Variants in VRK3 observed in about 807,000 individuals in gnomAD.
VRK3 encodes the protein serine/threonine-protein kinase VRK3.
Under a neutral mutation model 60.4 loss-of-function variants are expected in VRK3, and 50 were observed. The ratio of observed to expected loss-of-function variants is 0.83; its 90% CI spans 0.66 to 1.05. The LOEUF is 1.05. Among genes scored for constraint, VRK3 ranks in the 50% least tolerant of loss-of-function variants. VRK3 has a pLI of 0.00. For synonymous variants in VRK3, 246 were observed against 227.8 expected (o/e 1.08, Z -0.72); for missense variants, 549 against 585.3 (o/e 0.94, Z 0.64).
At chr19:49,996,132 G>C (rs2076699952) in intron 7 of VRK3, among the ~76,000 whole-genome samples, 1 of 152,074 alleles carries the variant, frequency 6.6e-6, no homozygotes, top group Non-Finnish European at 1.5e-5. Context: ...ATGTTGGCCA[G>C]GATGGTCTCA....
chr19:50,015,558 C>T (rs1204323650), intron 3 of VRK3: 1 of 158,362 alleles, frequency 6.3e-6, no homozygotes, highest in Non-Finnish European at 1.4e-5. Flanking sequence ...CTCTGCCTGC[C>T]TCAGCCTCCC....
At chr19:50,015,886 G>T (rs915954333) in intron 3 of VRK3, 138 bp downstream of exon 3, 1 of 1,106,916 alleles carries the variant, frequency 9.0e-7, no homozygotes, top group Non-Finnish European at 1.3e-6. Context: ...TAGACAGAGG[G>T]GTCCAGTCCT....
intron 5 of VRK3, among the ~76,000 whole-genome samples, chr19:50,002,557 G>C (rs2076824980): frequency 6.6e-6 from 1 of 152,164 alleles, no homozygotes; most frequent in Admixed American, 6.5e-5. Flanking sequence ...GTACTCAGAG[G>C]CAAGCAGGAA....
intron 2 of VRK3, among the ~76,000 whole-genome samples, chr19:50,019,715 C>CTTTTTTTTTTTTTTTTTTTTTTTT (rs1225686835): frequency 1.2e-4 from 6 of 50,362 alleles, no homozygotes; most frequent in East Asian, 6.0e-4. Flanking sequence ...TTTTTTTTTA[C>CTTTTTTTTTTTTTTTTTTTTTTTT]TTTTTGTAGA....
intron 3 of VRK3, among the ~76,000 whole-genome samples, chr19:50,010,878 A>C (rs2076983888): frequency 6.6e-6 from 1 of 152,208 alleles, no homozygotes; most frequent in South Asian, 2.1e-4. Context: ...ACACCACTGC[A>C]CTCTAGCCTG....
At chr19:50,002,365 C>T (rs1451204544) in intron 5 of VRK3, among the ~76,000 whole-genome samples, 1 of 152,032 alleles carries the variant, frequency 6.6e-6, no homozygotes, top group African/African-American at 2.4e-5. Flanking sequence ...GAGACGTATG[C>T]AGGACCCGCA....
chr19:49,982,117 T>C (rs1159952403), intron 12 of VRK3: 20 of 702,808 alleles, frequency 2.8e-5, no homozygotes, highest in Admixed American at 1.0e-4. Context: ...AACTGCAAAC[T>C]GCTGACGGTG....
chr19:49,995,279 C>T lies in VRK3; in HGVS notation c.680-4G>A, dbSNP rs755467296. ...TACAGCTTCTTCCACTTGTTGACTGCGGAAAGCAGGGGCTTGAGGTTAGAA... is the reference window on the plus strand; with the variant it reads ...TACAGCTTCTTCCACTTGTTGACTGTGGAAAGCAGGGGCTTGAGGTTAGAA... On this transcript the variant is annotated splice_region_variant and splice_polypyrimidine_tract_variant and intron_variant, in intron 7 of 14. Coordinates refer to ENST00000316763, the MANE Select transcript of VRK3 (RefSeq NM_016440.4). 3.0e-5 allele frequency: 49 copies of T among 1,613,828 alleles called. No individual in the cohort carries two copies. In the Admixed American group the frequency reaches 3.2e-4, roughly 10 times the overall value.
rs150610662 is a variant in VRK3, at chr19:49,981,793, G to GACAC, written c.1218-784_1218-781dup. 2.8e-4 allele frequency: 284 copies of GACAC among 1,026,530 alleles called. 1 individual carries two copies. The African/African-American group carries it at 4.1e-3, about 15-fold the overall frequency. 63.6% of individuals were successfully genotyped at this position (1,026,530 alleles called of 1,614,324 possible). ...CCCACCCGTCCCAAGCACACACACA[G>GACAC]ACACACACACACACACACACGCACA... On this transcript the variant is annotated intron_variant, in intron 12 of 14. Coordinates refer to ENST00000316763, the MANE Select transcript of VRK3 (RefSeq NM_016440.4).
chr19:50,020,931 G>A (rs1023860057), intron 1 of VRK3, among the ~76,000 whole-genome samples: 1 of 152,198 alleles, frequency 6.6e-6, no homozygotes, highest in Non-Finnish European at 1.5e-5. Flanking sequence ...AGGTCAGATG[G>A]AGAAAGGGCT....
intron 13 of VRK3, 94 bp downstream of exon 13, chr19:49,980,861 A>C: frequency 9.0e-7 from 1 of 1,111,594 alleles, no homozygotes; most frequent in South Asian, 1.5e-5. Flanking sequence ...ACTAAAAAAA[A>C]TGAAGAGGTG....
intron 12 of VRK3, chr19:49,988,015 T>A (rs1004147175): frequency 1.9e-4 from 32 of 170,230 alleles, no homozygotes; most frequent in Non-Finnish European, 3.3e-4. Flanking sequence ...ATGAGCATTT[T>A]CTCTGAGCCA....
At chr19:49,976,908 T>G (rs933967180) in intron 14 of VRK3, 124 bp from the exon 15 acceptor site, 1 of 152,376 alleles carries the variant, frequency 6.6e-6, no homozygotes, top group Admixed American at 6.5e-5. Context: ...GGGGATGTCA[T>G]CATGACCATA....
At chr19:50,002,257 A>G (rs1219468775) in intron 5 of VRK3, among the ~76,000 whole-genome samples, 1 of 152,172 alleles carries the variant, frequency 6.6e-6, no homozygotes, top group East Asian at 1.9e-4. Context: ...GTCACCCAGA[A>G]GCCATCCTTG....
At chr19:50,006,320 AAAATAAT>A (rs924758466) in intron 5 of VRK3, among the ~76,000 whole-genome samples, 1 of 137,166 alleles carries the variant, frequency 7.3e-6, no homozygotes, top group Non-Finnish European at 1.5e-5. Context: ...AAAAAAATAA[AAAATAAT>A]AAATAATAAT....
rs1276636190 is a variant in VRK3, at chr19:50,007,448, G to C, written c.547+121C>G. ...AGAGTCCAAGGTCTAAGAGAAAGTT[G>C]CCTAGCGACAGGTCTGCAGCTAGGG... On this transcript the variant is annotated intron_variant, in intron 5 of 14. Coordinates refer to ENST00000316763, the MANE Select transcript of VRK3 (RefSeq NM_016440.4). 5 of 1,437,916 alleles carry C rather than the reference G, an allele frequency of 3.5e-6. No homozygotes were observed. The Admixed American group carries it at 9.7e-5, about 28-fold the overall frequency. 89.1% of individuals were successfully genotyped at this position (1,437,916 alleles called of 1,614,324 possible). A position where few individuals can be genotyped will look rare whatever the true frequency, so the allele number is the denominator to read the frequency against.
chr19:49,989,603 C>G (rs10424282), intron 11 of VRK3, 36 bp downstream of exon 11: 514,506 of 1,569,436 alleles, frequency 0.33, 92,637 homozygotes, highest in East Asian at 0.76. Flanking sequence ...TAAGAAGCAT[C>G]TCTCTGCGGT....
chr19:49,994,050 G>T (rs979897272), intron 9 of VRK3, among the ~76,000 whole-genome samples: 1 of 152,062 alleles, frequency 6.6e-6, no homozygotes, highest in African/African-American at 2.4e-5. Flanking sequence ...TGTGGTCACC[G>T]CTGACCTCTC....
chr19:50,021,762 C>A (rs1276787431), intron 1 of VRK3, among the ~76,000 whole-genome samples: 1 of 152,226 alleles, frequency 6.6e-6, no homozygotes, highest in African/African-American at 2.4e-5. Flanking sequence ...GACAGGGAGT[C>A]CCTGCTGCAC....
Sources: allele counts gnomAD v4.1 joint callset (sites outside exome capture counted in the v4.1 genomes callset), GRCh38; gene constraint gnomAD v4.1.1; transcripts MANE v1.5; gene names NCBI Gene and HGNC (gene_info 2026-07-23, HGNC 2026-07-21).